The following H1-2 variants were observed in gnomAD, a reference collection of about 807,000 sequenced individuals.
H1-2 encodes histone H1.2.
A neutral mutation model predicts 7.2 loss-of-function variants in H1-2; 7 were observed. That is an observed-to-expected ratio of 0.97 (90% confidence interval 0.55 to 1.82). H1-2 has a LOEUF of 1.82. Ranked by LOEUF, H1-2 falls within the 40% of genes most tolerant of loss-of-function variation. The pLI, the probability that H1-2 is intolerant of heterozygous loss-of-function variation, is 0.00. For missense variants in H1-2, 703 were observed against 276.6 expected (o/e 2.54, Z -10.94); for synonymous variants, 300 against 118.2 (o/e 2.54, Z -9.98).
rs762065236 is a variant in H1-2 at position 26,055,855 on chromosome 6, C to T, written c.574G>A (p.Ala192Thr). The T allele has an allele frequency of 1.3e-5, 21 of 1,614,002 alleles. No individual in the cohort carries two copies. The highest frequency in any genetic ancestry group is 2.2e-5 in the East Asian group (1 of 44,894). Residue 192 changes from alanine to threonine, a missense_variant, in exon 1 of 1, where the codon GCT becomes ACT. Coordinates refer to ENST00000343677, the MANE Select transcript of H1-2 (RefSeq NM_005319.4). ...GGCTTAGCGGCCTTGGGCTTCACAG[C>T]CTTAGCAGCACTTTTGGCAGCTTTC... ...PKKAAKSAAKAVKPKAAKPKV... is the reference protein window; with the variant it reads ...PKKAAKSAAKTVKPKAAKPKV...
rs765785215 is a variant in H1-2, at chr6:26,055,760, T to C, written c.*27A>G. 5 of 1,569,458 alleles carry C rather than the reference T, an allele frequency of 3.2e-6. No homozygotes were observed. The highest frequency in any genetic ancestry group is 1.2e-5 in the South Asian group (1 of 84,642). On this transcript the variant is annotated 3_prime_UTR_variant, in exon 1 of 1. Transcript: ENST00000343677. ...ATCAGTGGTGGCTCTGAAAAGAGCC[T>C]TTTGGGTTTTAGAAGTAGGCGTTCG...
Position 26,055,996 on chromosome 6 carries a change from C to G in H1-2, c.433G>C (p.Ala145Pro), listed in dbSNP as rs945973136. ...TTCTTAGCGCTCTTCTTCGGAGTTG[C>G]GCCGCCAGCCGCCTTCTTGGGCTTC... Reference protein sequence around the residue: ...AKKPKKAAGGATPKKSAKKTP... With the variant: ...AKKPKKAAGGPTPKKSAKKTP... Residue 145 changes from alanine (A) to proline (P), a missense_variant, in exon 1 of 1, where the codon GCA becomes CCA. Transcript: ENST00000343677. 6 of 1,614,010 alleles carry G rather than the reference C, an allele frequency of 3.7e-6. No individual in the cohort carries two copies. The highest frequency in any genetic ancestry group is 2.7e-5 in the African/African-American group (2 of 75,014).
rs181684000 is a variant in H1-2, at chr6:26,056,076, G to A, written c.353C>T (p.Pro118Leu). The A allele has an allele frequency of 1.4e-5, 22 of 1,614,124 alleles. No homozygotes were observed. In the African/African-American group the frequency reaches 2.1e-4, roughly 16 times the overall value. The change falls in exon 1 of 1, where the codon CCC (proline) becomes CTC (leucine). Residue 118 changes from proline (P) to leucine (L), a missense_variant. By Grantham distance (98) the Pro-to-Leu change is moderately conservative. Transcript: ENST00000343677. ...NKKAASGEAK[P>L]KVKKAGGTKP... Reference sequence around the variant, plus strand: ...GGTTCCGCCCGCCTTTTTAACCTTGGGCTTGGCTTCCCCGGAGGCTGCCTT... The same window carrying A: ...GGTTCCGCCCGCCTTTTTAACCTTGAGCTTGGCTTCCCCGGAGGCTGCCTT...
chr6:26,055,794 T>G lies in H1-2; in HGVS notation c.635A>C (p.Lys212Thr), dbSNP rs1045729820. Residue 212 changes from lysine to threonine, a missense_variant, in exon 1 of 1, where the codon AAG becomes ACG. Transcript: ENST00000343677. The part of the protein sequence containing the change: ...VVKPKKAAPK[K>T]K ...TTAGAAGTAGGCGTTCGCCTATTTC[T>G]TCTTGGGCGCCGCCTTCTTAGGCTT... 1.3e-6 allele frequency: 2 copies of G among 1,592,796 alleles called. No homozygotes were observed. The highest frequency in any genetic ancestry group is 1.4e-5 in the African/African-American group (1 of 73,178).
In H1-2 at chr6:26,056,412, G is replaced by A. The variant is rs1440238210; in HGVS notation, c.17C>T (p.Pro6Leu). ...AGGAGGCGCGGCAGCGGGAGCGGCA[G>A]GAGCAGTCTCGGACATGTTGAGAAT... MSETA[P>L]AAPAAAPPAE... Residue 6 changes from proline (P) to leucine (L), a missense_variant, in exon 1 of 1, where the codon CCT becomes CTT. Pro to Leu is a moderately conservative substitution (Grantham distance 98). Transcript: ENST00000343677. The A allele has an allele frequency of 1.9e-6, 3 of 1,597,972 alleles. No individual in the cohort carries two copies. The highest frequency in any genetic ancestry group is 1.1e-5 in the South Asian group (1 of 89,456).
At position 26,056,231 on chromosome 6, in the gene H1-2, C is replaced by T. The variant is rs778270726; in HGVS notation, c.198G>A (p.Leu66=). Residue 66 remains leucine (L), a synonymous_variant, in exon 1 of 1, where the codon TTG becomes TTA. Transcript: ENST00000343677. ...GVSLAALKKA[L]AAAGYDVEKN... is the part of the protein sequence containing the mutation. ...TCTCCACATCATAGCCGGCGGCAGC[C>T]AACGCTTTTTTCAGAGCAGCCAGAG... 2.5e-6 allele frequency: 4 copies of T among 1,614,230 alleles called. No homozygotes were observed. Among genetic ancestry groups the T allele is most frequent in the South Asian group, 2.2e-5 (2 of 91,082 alleles).
rs759622922 is a variant in H1-2, at chr6:26,056,246, A to C, written c.183T>G (p.Ala61=). 15 of 1,614,146 alleles carry C rather than the reference A, an allele frequency of 9.3e-6. No individual in the cohort carries two copies. Among genetic ancestry groups the C allele is most frequent in the Non-Finnish European group, 1.2e-5 (14 of 1,180,020 alleles). The part of the protein sequence containing the change: ...SKERSGVSLA[A]LKKALAAAGY... The stretch of plus-strand genomic sequence containing the variant: ...CGGCGGCAGCCAACGCTTTTTTCAG[A>C]GCAGCCAGAGAAACTCCGCTACGCT... The change falls in exon 1 of 1, where the codon GCT becomes GCG. Residue 61 remains alanine (A), a synonymous_variant. Transcript: ENST00000343677.
In H1-2 at chr6:26,055,775, G is replaced by A. The variant is rs1197009747; in HGVS notation, c.*12C>T. 1.5e-5 allele frequency: 23 copies of A among 1,580,628 alleles called. No homozygotes were observed. In the Admixed American group the frequency reaches 4.5e-4, roughly 31 times the overall value. On this transcript the variant is annotated 3_prime_UTR_variant, in exon 1 of 1. Transcript: ENST00000343677. ...GAAAAGAGCCTTTTGGGTTTTAGAA[G>A]TAGGCGTTCGCCTATTTCTTCTTGG...
Position 26,055,942 on chromosome 6 carries a change from C to A in H1-2, c.487G>T (p.Ala163Ser), listed in dbSNP as rs1257086752. ...GCCACTTTCTTGGTTACAGTGGCCG[C>A]GGCCGGCTTCTTCGCTTTCTTCGGT... ...KTPKKAKKPA[A>S]ATVTKKVAKS... Residue 163 changes from alanine (A) to serine (S), a missense_variant, in exon 1 of 1, where the codon GCG (alanine) becomes TCG (serine). By Grantham distance (99) the Ala-to-Ser change is moderately conservative. Coordinates refer to ENST00000343677, the MANE Select transcript of H1-2 (RefSeq NM_005319.4). 6.2e-7 allele frequency: 1 copy of A among 1,614,162 alleles called. No individual in the cohort carries two copies. The highest frequency in any genetic ancestry group is 8.5e-7 in the Non-Finnish European group (1 of 1,180,034).
rs758541312 is a variant in H1-2, at chr6:26,055,807, C to T, written c.622G>A (p.Ala208Thr). The change falls in exon 1 of 1, where the codon GCG becomes ACG. Residue 208 changes from alanine to threonine, a missense_variant. Transcript: ENST00000343677. The stretch of plus-strand genomic sequence containing the variant: ...TTCGCCTATTTCTTCTTGGGCGCCG[C>T]CTTCTTAGGCTTGACAACCTTGGGC... ...AKPKVVKPKK[A>T]APKKK 1 of 1,593,232 alleles carries T rather than the reference C, an allele frequency of 6.3e-7. No individual in the cohort carries two copies. Among genetic ancestry groups the T allele is most frequent in the East Asian group, 2.2e-5 (1 of 44,814 alleles).
In H1-2 at chr6:26,056,440, A is replaced by C; in HGVS notation, c.-12T>G. The C allele has an allele frequency of 1.3e-6, 2 of 1,558,530 alleles. No homozygotes were observed. The highest frequency in any genetic ancestry group is 1.7e-6 in the Non-Finnish European group (2 of 1,157,076). On this transcript the variant is annotated 5_prime_UTR_variant, in exon 1 of 1. Transcript: ENST00000343677. ...GCAGTCTCGGACATGTTGAGAATCA[A>C]AAACTCGGGTACAAGTGGCAAAGCG...
Position 26,056,090 on chromosome 6 carries a change from G to T in H1-2, c.339C>A (p.Ser113=), listed in dbSNP as rs1374161310. The change falls in exon 1 of 1, where the codon TCC becomes TCA. Residue 113 remains serine (S), a synonymous_variant. Coordinates refer to ENST00000343677, the MANE Select transcript of H1-2 (RefSeq NM_005319.4). ...TTTTAACCTTGGGCTTGGCTTCCCC[G>T]GAGGCTGCCTTCTTGTTGAGTTTAA... The part of the protein sequence containing the change: ...GSFKLNKKAA[S]GEAKPKVKKA... The T allele has an allele frequency of 6.2e-7, 1 of 1,614,146 alleles. No homozygotes were observed. Among genetic ancestry groups the T allele is most frequent in the Non-Finnish European group, 8.5e-7 (1 of 1,180,018 alleles).
Position 26,056,430 on chromosome 6 carries a change from T to G in H1-2, c.-2A>C. ...AGCGGCAGGAGCAGTCTCGGACATGTTGAGAATCAAAAACTCGGGTACAAG... is the reference window on the plus strand; with the variant it reads ...AGCGGCAGGAGCAGTCTCGGACATGGTGAGAATCAAAAACTCGGGTACAAG... On this transcript the variant is annotated 5_prime_UTR_variant, in exon 1 of 1. Coordinates refer to ENST00000343677, the MANE Select transcript of H1-2 (RefSeq NM_005319.4). 6.4e-7 allele frequency: 1 copy of G among 1,565,638 alleles called. No individual in the cohort carries two copies.
rs1414007247 is a variant in H1-2 at position 26,056,233 on chromosome 6, A to G, written c.196T>C (p.Leu66=). 1.2e-6 allele frequency: 2 copies of G among 1,614,032 alleles called. No individual in the cohort carries two copies. The highest frequency in any genetic ancestry group is 1.7e-5 in the Admixed American group (1 of 59,994). The part of the protein sequence containing the change: ...GVSLAALKKA[L]AAAGYDVEKN... ...TCCACATCATAGCCGGCGGCAGCCAACGCTTTTTTCAGAGCAGCCAGAGAA... is the reference window on the plus strand; with the variant it reads ...TCCACATCATAGCCGGCGGCAGCCAGCGCTTTTTTCAGAGCAGCCAGAGAA... The change falls in exon 1 of 1, where the codon TTG becomes CTG. Residue 66 remains leucine, a synonymous_variant. Transcript: ENST00000343677.
In H1-2 at chr6:26,056,254, G is replaced by GA; in HGVS notation, c.174dup (p.Leu59SerfsTer14). The GA allele has an allele frequency of 1.2e-6, 2 of 1,614,230 alleles. No homozygotes were observed. The highest frequency in any genetic ancestry group is 1.7e-6 in the Non-Finnish European group (2 of 1,180,042). On this transcript the variant is annotated frameshift_variant, in exon 1 of 1. Transcript: ENST00000343677. LOFTEE classifies it high-confidence loss of function. ...GCCAACGCTTTTTTCAGAGCAGCCA[G>GA]AGAAACTCCGCTACGCTCTTTAGAG...
chr6:26,056,194 G>C lies in H1-2; in HGVS notation c.235C>G (p.Arg79Gly), dbSNP rs766650386. The C allele has an allele frequency of 6.2e-7, 1 of 1,614,206 alleles. No homozygotes were observed. Among genetic ancestry groups the C allele is most frequent in the South Asian group, 1.1e-5 (1 of 91,086 alleles). Reference sequence around the variant, plus strand: ...AGGCTCTTGAGACCAAGTTTGATACGGCTGTTGTTTTTCTCCACATCATAG... The same window carrying C: ...AGGCTCTTGAGACCAAGTTTGATACCGCTGTTGTTTTTCTCCACATCATAG... ...AGYDVEKNNSRIKLGLKSLVS... is the reference protein window; with the variant it reads ...AGYDVEKNNSGIKLGLKSLVS... Residue 79 changes from arginine (R) to glycine (G), a missense_variant, in exon 1 of 1, where the codon CGT becomes GGT. Coordinates refer to ENST00000343677, the MANE Select transcript of H1-2 (RefSeq NM_005319.4).
rs374803959 is a variant in H1-2 at position 26,056,464 on chromosome 6, C to G, written c.-36G>C. 23 of 1,538,406 alleles carry G rather than the reference C, an allele frequency of 1.5e-5. No individual in the cohort carries two copies. The highest frequency in any genetic ancestry group is 1.9e-5 in the Non-Finnish European group (22 of 1,148,046). ...AAAAACTCGGGTACAAGTGGCAAAG[C>G]GCCGATGAAGCAGCGCCTGGGCAGG... is the stretch of plus-strand genomic sequence containing the variant. On this transcript the variant is annotated 5_prime_UTR_variant, in exon 1 of 1. Coordinates refer to ENST00000343677, the MANE Select transcript of H1-2 (RefSeq NM_005319.4).
chr6:26,056,213 A>T lies in H1-2; in HGVS notation c.216T>A (p.Asp72Glu), dbSNP rs202025821. The T allele has an allele frequency of 3.7e-6, 6 of 1,614,042 alleles. No individual in the cohort carries two copies. Among genetic ancestry groups the T allele is most frequent in the Non-Finnish European group, 5.1e-6 (6 of 1,180,020 alleles). ...LKKALAAAGYDVEKNNSRIKL... is the reference protein window; with the variant it reads ...LKKALAAAGYEVEKNNSRIKL... Reference sequence around the variant, plus strand: ...TGATACGGCTGTTGTTTTTCTCCACATCATAGCCGGCGGCAGCCAACGCTT... The same window carrying T: ...TGATACGGCTGTTGTTTTTCTCCACTTCATAGCCGGCGGCAGCCAACGCTT... The change falls in exon 1 of 1, where the codon GAT becomes GAA. Residue 72 changes from aspartate to glutamate, a missense_variant. Coordinates refer to ENST00000343677, the MANE Select transcript of H1-2 (RefSeq NM_005319.4).
rs775151245 is a variant in H1-2 at position 26,056,291 on chromosome 6, C to A, written c.138G>T (p.Lys46Asn). Residue 46 changes from lysine to asparagine, a missense_variant, in exon 1 of 1, where the codon AAG (lysine) becomes AAT (asparagine). Physicochemically the swap from Lys to Asn is moderately conservative, Grantham distance 94. Transcript: ENST00000343677. ...SGPPVSELIT[K>N]AVAASKERSG... ...TACGCTCTTTAGAGGCGGCCACAGC[C>A]TTGGTGATGAGCTCTGACACCGGGG... The A allele has an allele frequency of 6.2e-7, 1 of 1,614,160 alleles. No homozygotes were observed. Among genetic ancestry groups the A allele is most frequent in the East Asian group, 2.2e-5 (1 of 44,870 alleles).
Sources: gnomAD v4.1 joint callset for allele counts on GRCh38, gnomAD v4.1.1 for gene constraint, MANE v1.5 for transcripts, NCBI Gene and HGNC (gene_info 2026-07-23, HGNC 2026-07-21) for gene names.